ITGB5: variants seen among roughly 807,000 people sequenced by gnomAD.
ITGB5 encodes the protein integrin beta-5.
ITGB5 carries 38 observed loss-of-function variants against 84.8 expected under a neutral mutation model. That is an observed-to-expected ratio of 0.45 (90% CI 0.35 to 0.59). The LOEUF (loss-of-function observed/expected upper bound fraction) is 0.59. Among genes scored for constraint, ITGB5 ranks in the 20% least tolerant of loss-of-function variants. The pLI is 0.01. For missense variants in ITGB5, 905 were observed against 1,034.5 expected, an observed-to-expected ratio of 0.87 and a Z score of 1.72; for synonymous variants, 393 against 414.4, an observed-to-expected ratio of 0.95 and a Z score of 0.63.
intron 2 of ITGB5, among the ~76,000 whole-genome samples, chr3:124,871,993 T>C (rs1480998587): frequency 6.6e-6 from 1 of 152,062 alleles, no homozygotes; most frequent in African/African-American, 2.4e-5. Context: ...TGGTTCCCTC[T>C]GGCTAAATGT....
intron 1 of ITGB5, among the ~76,000 whole-genome samples, chr3:124,875,425 C>T (rs957019283): frequency 2.8e-5 from 4 of 142,638 alleles, no homozygotes; most frequent in East Asian, 2.1e-4. Flanking sequence ...TGCAGTGAGC[C>T]GAGATAGTGC....
At chr3:124,896,472 A>G (rs1167762066) in intron 1 of ITGB5, among the ~76,000 whole-genome samples, 1 of 152,110 alleles carries the variant, frequency 6.6e-6, no homozygotes, top group Non-Finnish European at 1.5e-5. Flanking sequence ...TAGGGGGCTG[A>G]GTGTGGTGCC....
chr3:124,842,826 C>T (rs1021184749), intron 4 of ITGB5, among the ~76,000 whole-genome samples: 4 of 152,178 alleles, frequency 2.6e-5, no homozygotes, highest in African/African-American at 9.7e-5. Flanking sequence ...GGGCAGGCTC[C>T]CTTCTGTAAA....
upstream of ITGB5, among the ~76,000 whole-genome samples, chr3:124,892,411 G>A (rs981241722): frequency 2.0e-5 from 3 of 151,516 alleles, no homozygotes; most frequent in Middle Eastern, 6.8e-3. Flanking sequence ...TGGGCCAGGT[G>A]TGGTCGCTCA....
chr3:124,785,373 G>A (rs2064065818), intron 10 of ITGB5, among the ~76,000 whole-genome samples: 2 of 152,178 alleles, frequency 1.3e-5, no homozygotes, highest in African/African-American at 4.8e-5. Context: ...CACGAGGTCA[G>A]GAGTTCGAGA....
At chr3:124,831,558 C>T (rs1296681367) in intron 5 of ITGB5, among the ~76,000 whole-genome samples, 1 of 152,206 alleles carries the variant, frequency 6.6e-6, no homozygotes, top group Admixed American at 6.5e-5. Context: ...TCCCACTCAG[C>T]TGTCGGAAAA....
chr3:124,782,974 CT>C (rs11370689), intron 10 of ITGB5, among the ~76,000 whole-genome samples: 1 of 151,526 alleles, frequency 6.6e-6, no homozygotes. Context: ...CCCTTTCTTT[CT>C]TTTTTTTCTT....
At chr3:124,806,630 G>A (rs1271162040) in intron 9 of ITGB5, among the ~76,000 whole-genome samples, 1 of 151,386 alleles carries the variant, frequency 6.6e-6, no homozygotes, top group Non-Finnish European at 1.5e-5. Flanking sequence ...GTAGAGACGG[G>A]GTTTCACCGT....
chr3:124,870,867 G>A (rs1360247315), intron 2 of ITGB5, among the ~76,000 whole-genome samples: 1 of 152,112 alleles, frequency 6.6e-6, no homozygotes, highest in Non-Finnish European at 1.5e-5. Flanking sequence ...AGGTCGTTAT[G>A]GAGTAGATGA....
rs546562262 is a variant in ITGB5 at position 124,873,049 on chromosome 3, C to T, written c.156+397G>A. On this transcript the variant is annotated intron_variant, in intron 2 of 14. Transcript: ENST00000296181. ...TAATATTTATTCTCAAGTAAACACA[C>T]TAAGATGACTGGCTTCCACCAACAT... 1.2e-4 allele frequency among the ~76,000 whole-genome samples: 19 copies of T among 152,300 alleles called. No individual in the cohort carries two copies. The South Asian group carries it at 2.1e-3, about 17-fold the overall frequency.
intron 5 of ITGB5, among the ~76,000 whole-genome samples, chr3:124,835,572 T>C (rs1450412781): frequency 6.6e-6 from 1 of 152,198 alleles, no homozygotes; most frequent in African/African-American, 2.4e-5. Context: ...TGCGATCTGC[T>C]AGCAGAAGCA....
At chr3:124,879,379 G>A (rs933024520) in intron 1 of ITGB5, among the ~76,000 whole-genome samples, 5 of 152,224 alleles carry the variant, frequency 3.3e-5, no homozygotes, top group Admixed American at 6.5e-5. Flanking sequence ...TTTCTGCCTT[G>A]AAGATGGCAA....
intron 1 of ITGB5, among the ~76,000 whole-genome samples, chr3:124,883,017 C>CG (rs1056472634): frequency 7.2e-5 from 11 of 152,228 alleles, no homozygotes; most frequent in African/African-American, 2.6e-4. Flanking sequence ...CCATTCGAAC[C>CG]GGAAAGAAGG....
intron 5 of ITGB5, among the ~76,000 whole-genome samples, chr3:124,834,726 T>G (rs114950737): frequency 0.057 from 8,584 of 151,600 alleles, 327 homozygotes; most frequent in African/African-American, 0.099. Context: ...TACAGGGAAG[T>G]AGTATCAAAG....
chr3:124,864,680 A>G (rs1008781650), intron 2 of ITGB5, among the ~76,000 whole-genome samples: 1 of 152,030 alleles, frequency 6.6e-6, no homozygotes, highest in Admixed American at 6.6e-5. Context: ...TACGCTCACT[A>G]CTTAGAGTGC....
At chr3:124,868,000 C>T (rs1423973519) in intron 2 of ITGB5, among the ~76,000 whole-genome samples, 2 of 152,142 alleles carry the variant, frequency 1.3e-5, no homozygotes, top group African/African-American at 4.8e-5. Context: ...TTCCCCTATG[C>T]TGTTCTCTTG....
At chr3:124,814,892 G>A (rs932620948) in intron 8 of ITGB5, among the ~76,000 whole-genome samples, 15 of 152,060 alleles carry the variant, frequency 9.9e-5, no homozygotes, top group African/African-American at 2.7e-4. Flanking sequence ...CTGGGAATTC[G>A]TGCCAGGTTC....
intron 1 of ITGB5, chr3:124,894,788 T>A (rs62267664): frequency 0.16 from 24,055 of 152,266 alleles, 2,230 homozygotes; most frequent in South Asian, 0.22. Context: ...AGGCAGGAGA[T>A]GGAGAAGAGA....
At chr3:124,835,582 A>G (rs1383617202) in intron 5 of ITGB5, among the ~76,000 whole-genome samples, 3 of 152,340 alleles carry the variant, frequency 2.0e-5, no homozygotes, top group East Asian at 3.9e-4. Flanking sequence ...TAGCAGAAGC[A>G]GCTCACACAT....
Sources: gnomAD v4.1 joint callset for allele counts (sites outside exome capture counted in the v4.1 genomes callset) on GRCh38, gnomAD v4.1.1 for gene constraint, MANE v1.5 for transcripts, NCBI Gene and HGNC (gene_info 2026-07-23, HGNC 2026-07-21) for gene names.